NOL10: variants seen among roughly 807,000 people sequenced by gnomAD.
The protein encoded by NOL10 is nucleolar protein 10, also known as H_NH0074G24.1.
In NOL10, 58 loss-of-function variants were observed where a neutral mutation model predicts 103.5. The ratio of observed to expected loss-of-function variants is 0.56; its 90% confidence interval spans 0.45 to 0.70. The LOEUF is 0.70. Among genes scored for constraint, NOL10 ranks in the 30% least tolerant of loss-of-function variants. The pLI is 0.00. For missense variants in NOL10, 763 were observed against 807.3 expected, an observed-to-expected ratio of 0.95 and a Z score of 0.67; for synonymous variants, 287 against 282.5, an observed-to-expected ratio of 1.02 and a Z score of -0.16.
rs1558270349 is a variant in NOL10, at chr2:10,587,138, C to CACATATAT, written c.1844+1897_1844+1904dup. Among the ~76,000 whole-genome samples the CACATATAT allele has an allele frequency of 1.2e-3, 19 of 15,826 alleles. 6 individuals carry two copies. Among genetic ancestry groups the CACATATAT allele is most frequent in the African/African-American group, 4.5e-3 (13 of 2,874 alleles). 10.4% of individuals were successfully genotyped at this position (15,826 alleles called of 152,430 possible). ...ATATATACATATATATACATATATA[C>CACATATAT]ACATATATATACATATATACACATA... is the stretch of plus-strand genomic sequence containing the variant. On this transcript the variant is annotated intron_variant, in intron 19 of 20. Transcript: ENST00000381685.
rs778414345 is a variant in NOL10, at chr2:10,667,222, A to T, written c.587T>A (p.Ile196Lys). The T allele has an allele frequency of 1.9e-6, 3 of 1,580,236 alleles. No homozygotes were observed. The highest frequency in any genetic ancestry group is 1.7e-6 in the Non-Finnish European group (2 of 1,160,886). Residue 196 changes from isoleucine (I) to lysine (K), a missense_variant, in exon 8 of 21, where the codon ATA becomes AAA. Transcript: ENST00000381685. ...ATAAAGTCAACATATGCTTACCTCT[A>T]TGGTTCCTGTGGCAAACAAGCCATG... ...SVHGLFATGT[I>K]EGRVECWDPR...
chr2:10,597,684 G>C (rs1675767444), intron 17 of NOL10, among the ~76,000 whole-genome samples: 1 of 152,128 alleles, frequency 6.6e-6, no homozygotes, highest in Non-Finnish European at 1.5e-5. Context: ...GTCTGATTTG[G>C]GCTAGGAAGT....
chr2:10,589,033 T>G lies in NOL10; in HGVS notation c.1844+10A>C, dbSNP rs201467422. 33 of 1,613,466 alleles carry G rather than the reference T, an allele frequency of 2.0e-5. No homozygotes were observed. In the East Asian group the frequency reaches 3.8e-4, roughly 19 times the overall value. On this transcript the variant is annotated intron_variant, in intron 19 of 20. Transcript: ENST00000381685. Reference sequence around the variant, plus strand: ...ACATGTCAACTGTGCGCTCAGGCAGTGCTACTCACTTCATCAGTTTCTGCT... The same window carrying G: ...ACATGTCAACTGTGCGCTCAGGCAGGGCTACTCACTTCATCAGTTTCTGCT...
chr2:10,572,052 G>T lies in NOL10; in HGVS notation c.*19C>A, dbSNP rs767917303. ...GGAGACGTACCCCTCCCTAATCACA[G>T]GTAGGACCACTTCCCAAATCAATGA... On this transcript the variant is annotated 3_prime_UTR_variant, in exon 21 of 21. Transcript: ENST00000381685. The T allele has an allele frequency of 1.2e-5, 20 of 1,612,846 alleles. No homozygotes were observed. The Admixed American group carries it at 2.5e-4, about 20-fold the overall frequency.
At chr2:10,577,556 T>C in intron 20 of NOL10, 80 bp downstream of exon 20, 1 of 994,960 alleles carries the variant, frequency 1.0e-6, no homozygotes, top group Non-Finnish European at 1.5e-6. Flanking sequence ...AGAAGGCTGC[T>C]CTGAGGACAC....
chr2:10,669,367 G>T (rs1306264761), intron 6 of NOL10, among the ~76,000 whole-genome samples: 2 of 150,580 alleles, frequency 1.3e-5, no homozygotes, highest in African/African-American at 4.9e-5. Flanking sequence ...TGGATTACAA[G>T]CATGAGCCAC....
At chr2:10,686,379 T>A (rs542327252) in intron 1 of NOL10, among the ~76,000 whole-genome samples, 25 of 152,138 alleles carry the variant, frequency 1.6e-4, no homozygotes, top group Non-Finnish European at 3.5e-4. Context: ...CAGTGAGACT[T>A]GTGAGGCCAG....
At chr2:10,683,272 C>T (rs1221247690) in intron 2 of NOL10, among the ~76,000 whole-genome samples, 4 of 151,970 alleles carry the variant, frequency 2.6e-5, no homozygotes, top group Non-Finnish European at 5.9e-5. Context: ...ATAATGAAAA[C>T]TTGTGCACCA....
chr2:10,623,087 G>C (rs1174484303), intron 13 of NOL10, among the ~76,000 whole-genome samples: 2 of 152,026 alleles, frequency 1.3e-5, no homozygotes, highest in Admixed American at 1.3e-4. Context: ...ATCAATTACA[G>C]TGTGTCCTAT....
intron 13 of NOL10, among the ~76,000 whole-genome samples, chr2:10,640,195 T>TAC (rs1212422504): frequency 6.6e-6 from 1 of 152,252 alleles, no homozygotes. Flanking sequence ...TCTTTGGTTC[T>TAC]ATAGGCCTCA....
At chr2:10,631,500 A>G (rs575455339) in intron 13 of NOL10, among the ~76,000 whole-genome samples, 1 of 152,250 alleles carries the variant, frequency 6.6e-6, no homozygotes, top group Non-Finnish European at 1.5e-5. Flanking sequence ...ATAGGAAAAA[A>G]AAGTTTAATT....
At chr2:10,580,353 C>T (rs1674680099) in intron 19 of NOL10, among the ~76,000 whole-genome samples, 1 of 151,508 alleles carries the variant, frequency 6.6e-6, no homozygotes, top group African/African-American at 2.4e-5. Context: ...TTCCCTCCCC[C>T]TCCTCTCCCC....
At chr2:10,683,664 T>A (rs1231473898) in intron 2 of NOL10, among the ~76,000 whole-genome samples, 1 of 152,088 alleles carries the variant, frequency 6.6e-6, no homozygotes, top group African/African-American at 2.4e-5. Context: ...AAAACACAGG[T>A]TTGCTTACTG....
At chr2:10,573,089 G>C (rs1356362961) in intron 20 of NOL10, among the ~76,000 whole-genome samples, 1 of 151,070 alleles carries the variant, frequency 6.6e-6, no homozygotes, top group East Asian at 1.9e-4. Context: ...TCTTAGCGGT[G>C]GAACTGCACA....
rs544921460 is a variant in NOL10 at position 10,571,748 on chromosome 2, A to G, written c.*323T>C. Reference sequence around the variant, plus strand: ...TAAACCTTGGTTTCTGGCACAGGATAAACCTTTCATTTCATGGTGTACATT... The same window carrying G: ...TAAACCTTGGTTTCTGGCACAGGATGAACCTTTCATTTCATGGTGTACATT... On this transcript the variant is annotated 3_prime_UTR_variant, in exon 21 of 21. Coordinates refer to ENST00000381685, the MANE Select transcript of NOL10 (RefSeq NM_024894.4). 5.0e-6 allele frequency: 1 copy of G among 199,088 alleles called. No individual in the cohort carries two copies. The highest frequency in any genetic ancestry group is 1.6e-4 in the South Asian group (1 of 6,430). The allele number at this position is 199,088 out of a possible 1,614,324, so 12.3% of individuals were successfully genotyped here.
chr2:10,657,374 C>T (rs1320139837), intron 11 of NOL10, among the ~76,000 whole-genome samples: 4 of 151,992 alleles, frequency 2.6e-5, no homozygotes, highest in Non-Finnish European at 5.9e-5. Flanking sequence ...TACCAACATG[C>T]ATGGAAGGAT....
intron 13 of NOL10, among the ~76,000 whole-genome samples, chr2:10,643,534 C>G (rs1490683891): frequency 3.9e-5 from 6 of 152,048 alleles, no homozygotes. Context: ...AGGGTGGGAG[C>G]TTCTGGCTAT....
At chr2:10,633,531 A>G (rs948043597) in intron 13 of NOL10, among the ~76,000 whole-genome samples, 3 of 151,920 alleles carry the variant, frequency 2.0e-5, no homozygotes, top group African/African-American at 7.2e-5. Flanking sequence ...TTAACAGCCC[A>G]TAAGTTATTC....
At chr2:10,635,346 T>C (rs959954335) in intron 13 of NOL10, among the ~76,000 whole-genome samples, 4 of 152,220 alleles carry the variant, frequency 2.6e-5, no homozygotes, top group Non-Finnish European at 5.9e-5. Flanking sequence ...CAACATTCTC[T>C]CTACTGTTCT....
Sources: allele counts gnomAD v4.1 joint callset (sites outside exome capture counted in the v4.1 genomes callset), GRCh38; gene constraint gnomAD v4.1.1; transcripts MANE v1.5; gene names NCBI Gene and HGNC (gene_info 2026-07-23, HGNC 2026-07-21).